The following MEI4 variants were observed in gnomAD, a reference collection of about 807,000 sequenced individuals.
MEI4 encodes meiosis-specific protein MEI4.
MEI4 carries 27 observed loss-of-function variants against 31.4 expected under a neutral mutation model. That is an observed-to-expected ratio of 0.86 (90% confidence interval 0.63 to 1.19). MEI4 has a LOEUF of 1.19. Ranked by LOEUF, MEI4 falls within the 50% of genes most tolerant of loss-of-function variation. The probability of loss-of-function intolerance (pLI) is 0.00; values close to 1 mark genes in which losing one functional copy is unlikely to be tolerated. For missense variants in MEI4, 329 were observed against 398.9 expected (o/e 0.82, Z 1.49); for synonymous variants, 122 against 145.4 (o/e 0.84, Z 1.16).
intron 3 of MEI4, among the ~76,000 whole-genome samples, chr6:77,784,798 A>C (rs894801415): frequency 2.0e-5 from 3 of 152,152 alleles, no homozygotes; most frequent in African/African-American, 7.2e-5. Context: ...TTCTCCTTTT[A>C]TATCCCATGA....
intron 3 of MEI4, among the ~76,000 whole-genome samples, chr6:77,823,352 T>C (rs1025533885): frequency 6.6e-6 from 1 of 152,188 alleles, no homozygotes; most frequent in Non-Finnish European, 1.5e-5. Flanking sequence ...AAAATAGCTT[T>C]TGTTCTACAT....
chr6:77,841,333 A>ATATTTT, intron 4 of MEI4, among the ~76,000 whole-genome samples: 11 of 27,740 alleles, frequency 4.0e-4, no homozygotes, highest in African/African-American at 9.8e-4. Flanking sequence ...ATATATATAT[A>ATATTTT]TTTTTTTTTT....
At chr6:77,861,105 T>C (rs925715284) in intron 4 of MEI4, among the ~76,000 whole-genome samples, 5 of 152,162 alleles carry the variant, frequency 3.3e-5, no homozygotes, top group African/African-American at 1.2e-4. Flanking sequence ...ATCCTTCCCA[T>C]CCAATAATGG....
chr6:77,900,645 T>C (rs927418658), intron 4 of MEI4, among the ~76,000 whole-genome samples: 4 of 151,972 alleles, frequency 2.6e-5, no homozygotes, highest in South Asian at 2.1e-4. Context: ...ATCAGGATGC[T>C]GGTAATTGGA....
intron 4 of MEI4, among the ~76,000 whole-genome samples, chr6:77,864,357 A>G (rs909899893): frequency 1.3e-5 from 2 of 152,216 alleles, no homozygotes; most frequent in African/African-American, 4.8e-5. Flanking sequence ...AGAGACACAC[A>G]TAGGCTCAAA....
chr6:77,731,987 A>G (rs1297540781), intron 2 of MEI4, among the ~76,000 whole-genome samples: 1 of 146,828 alleles, frequency 6.8e-6, no homozygotes, highest in East Asian at 2.1e-4. Flanking sequence ...ATTGATCTAT[A>G]TCTCTGTTTT....
chr6:77,732,500 G>T (rs543983183), intron 2 of MEI4, among the ~76,000 whole-genome samples: 2 of 152,050 alleles, frequency 1.3e-5, no homozygotes, highest in African/African-American at 4.8e-5. Context: ...CTTTGCTGAA[G>T]TTGCTTATCA....
chr6:77,862,887 A>C (rs1300654457), intron 4 of MEI4, among the ~76,000 whole-genome samples: 6 of 152,130 alleles, frequency 3.9e-5, no homozygotes, highest in Non-Finnish European at 2.9e-5. Flanking sequence ...CTTCCAGAGG[A>C]ACAAAAAGGC....
intron 3 of MEI4, among the ~76,000 whole-genome samples, chr6:77,801,465 G>T (rs1769255993): frequency 1.3e-5 from 2 of 151,946 alleles, no homozygotes. Context: ...TTTTTTGAAG[G>T]GTTTTTTGTG....
chr6:77,805,853 T>A (rs557431475), intron 3 of MEI4, among the ~76,000 whole-genome samples: 1 of 149,354 alleles, frequency 6.7e-6, no homozygotes, highest in East Asian at 1.9e-4. Flanking sequence ...TACATGAAGA[T>A]TTTTTTTCTA....
At chr6:77,868,215 TAAAA>T (rs371736808) in intron 4 of MEI4, among the ~76,000 whole-genome samples, 1 of 124,554 alleles carries the variant, frequency 8.0e-6, no homozygotes, top group African/African-American at 3.2e-5. Flanking sequence ...AGCATAATAA[TAAAA>T]AAAAATTAAA....
intron 3 of MEI4, among the ~76,000 whole-genome samples, chr6:77,763,362 A>C (rs1157976865): frequency 6.6e-6 from 1 of 152,052 alleles, no homozygotes; most frequent in Non-Finnish European, 1.5e-5. Flanking sequence ...TGAGCCCAGC[A>C]CAGCACCAGG....
intron 3 of MEI4, among the ~76,000 whole-genome samples, chr6:77,821,903 C>A (rs1769835841): frequency 6.6e-6 from 1 of 150,654 alleles, no homozygotes; most frequent in Admixed American, 6.6e-5. Flanking sequence ...CCAGTCTCTA[C>A]ATTTCACTAA....
chr6:77,738,540 C>T (rs1236301546), intron 2 of MEI4, among the ~76,000 whole-genome samples: 1 of 152,076 alleles, frequency 6.6e-6, no homozygotes, highest in East Asian at 1.9e-4. Context: ...GTAAATAGTG[C>T]TGCAATAAAC....
At chr6:77,720,574 C>G (rs1766688484) in intron 2 of MEI4, among the ~76,000 whole-genome samples, 1 of 141,734 alleles carries the variant, frequency 7.1e-6, no homozygotes, top group Non-Finnish European at 1.5e-5. Context: ...GTGACACAGA[C>G]CTCTGGGATT....
chr6:77,679,688 G>T (rs1429994399), intron 1 of MEI4, among the ~76,000 whole-genome samples: 4 of 152,062 alleles, frequency 2.6e-5, no homozygotes, highest in African/African-American at 9.6e-5. Flanking sequence ...TTTCTGTTTT[G>T]TGTGTCCTCC....
intron 2 of MEI4, among the ~76,000 whole-genome samples, chr6:77,712,827 C>T (rs186012546): frequency 1.5e-4 from 23 of 151,928 alleles, no homozygotes; most frequent in East Asian, 1.2e-3. Context: ...AAAAACTAGC[C>T]GGGTGTGGTG....
intron 2 of MEI4, among the ~76,000 whole-genome samples, chr6:77,752,246 A>T (rs1282688795): frequency 6.6e-6 from 1 of 152,220 alleles, no homozygotes; most frequent in Non-Finnish European, 1.5e-5. Context: ...CCCATTCAAG[A>T]TAGTTTTGGA....
chr6:77,684,695 G>T (rs981225713), intron 1 of MEI4, among the ~76,000 whole-genome samples: 1 of 152,034 alleles, frequency 6.6e-6, no homozygotes, highest in Admixed American at 6.6e-5. Flanking sequence ...ATTGTTGTTT[G>T]TGGCTGAATA....
Sources: allele counts gnomAD v4.1 joint callset (sites outside exome capture counted in the v4.1 genomes callset), GRCh38; gene constraint gnomAD v4.1.1; transcripts MANE v1.5; gene names NCBI Gene and HGNC (gene_info 2026-07-23, HGNC 2026-07-21).